CLEC4E: variants seen among roughly 807,000 people sequenced by gnomAD.
CLEC4E encodes C-type lectin domain family 4 member E.
Under a neutral mutation model 24.7 loss-of-function variants are expected in CLEC4E, and 21 were observed. The ratio of observed to expected loss-of-function variants is 0.85; its 90% CI spans 0.60 to 1.22. The LOEUF (loss-of-function observed/expected upper bound fraction) is 1.22. CLEC4E is among the 50% of genes most tolerant of loss of function. The pLI is 0.00. For synonymous variants in CLEC4E, 94 were observed against 85.7 expected (o/e 1.10, Z -0.54); for missense variants, 249 against 254.1 (o/e 0.98, Z 0.14).
chr12:8,538,405 C>T (rs189509598), intron 3 of CLEC4E, among the ~76,000 whole-genome samples: 67 of 152,358 alleles, frequency 4.4e-4, no homozygotes, highest in African/African-American at 1.5e-3. Flanking sequence ...CTCTCTGCCT[C>T]GGCTGCCAGG....
rs897344814 is a variant in CLEC4E, at chr12:8,534,520, G to A, written c.*118C>T. 5 of 647,954 alleles carry A rather than the reference G, an allele frequency of 7.7e-6. No homozygotes were observed. Among genetic ancestry groups the A allele is most frequent in the South Asian group, 2.4e-5 (1 of 42,340 alleles). The allele number at this position is 647,954 out of a possible 1,614,324, so 40.1% of individuals were successfully genotyped here. A position where few individuals can be genotyped will look rare whatever the true frequency, so the allele number is the denominator to read the frequency against. On this transcript the variant is annotated 3_prime_UTR_variant, in exon 6 of 6. Transcript: ENST00000299663. ...ACTACTTATTTTTATTTATATCAGA[G>A]TAACAAATACTTATGAAGTCCTTTG...
At chr12:8,536,278 A>C (rs1206107301) in intron 4 of CLEC4E, 73 bp from the exon 5 acceptor site, 1 of 877,160 alleles carries the variant, frequency 1.1e-6, no homozygotes, top group Non-Finnish European at 1.8e-6. Context: ...ATTATTATTC[A>C]AAGAGGTAAG....
At chr12:8,535,351 A>C (rs192044235) in intron 5 of CLEC4E, among the ~76,000 whole-genome samples, 8 of 152,362 alleles carry the variant, frequency 5.3e-5, no homozygotes, top group Admixed American at 2.0e-4. Flanking sequence ...AAGATTAATA[A>C]TACTGATACA....
intron 2 of CLEC4E, 39 bp downstream of exon 2, chr12:8,539,816 C>T: frequency 7.7e-7 from 1 of 1,290,834 alleles, no homozygotes; most frequent in Non-Finnish European, 1.1e-6. Context: ...CTAATATGCA[C>T]CAGGAAGAAT....
At chr12:8,534,830 A>C (rs2136396640) in intron 5 of CLEC4E, 21 bp from the exon 6 acceptor site, 1 of 1,597,266 alleles carries the variant, frequency 6.3e-7, no homozygotes, top group African/African-American at 1.4e-5. Flanking sequence ...ATGACATAGG[A>C]GACTTAAAAT....
chr12:8,540,631 C>T, intron 1 of CLEC4E, 130 bp downstream of exon 1: 1 of 834,016 alleles, frequency 1.2e-6, no homozygotes, highest in East Asian at 2.5e-5. Flanking sequence ...CTCTCTCTCT[C>T]TCTTCCTCTG....
Position 8,540,870 on chromosome 12 carries a change from G to T in CLEC4E, c.-73C>A. 1 of 992,594 alleles carries T rather than the reference G, an allele frequency of 1.0e-6. No homozygotes were observed. Among genetic ancestry groups the T allele is most frequent in the Non-Finnish European group, 1.6e-6 (1 of 618,454 alleles). 61.5% of individuals were successfully genotyped at this position (992,594 alleles called of 1,614,324 possible). On this transcript the variant is annotated 5_prime_UTR_variant, in exon 1 of 6. In the 5' UTR this introduces an upstream ATG that the reference lacks. Coordinates refer to ENST00000299663, the MANE Select transcript of CLEC4E (RefSeq NM_014358.4). ...CCCTCCCTCTCTTTCTTTCTCCTCA[G>T]GAGTGTTTTGTTGGTAAGATTCAGG...
At chr12:8,540,358 T>C (rs1318992078) in intron 1 of CLEC4E, among the ~76,000 whole-genome samples, 1 of 152,180 alleles carries the variant, frequency 6.6e-6, no homozygotes, top group Non-Finnish European at 1.5e-5. Context: ...TTTTCTCGTC[T>C]TTGCTTTTCT....
chr12:8,536,062 G>A, intron 5 of CLEC4E, 28 bp downstream of exon 5: 1 of 1,387,758 alleles, frequency 7.2e-7, no homozygotes, highest in Non-Finnish European at 1.0e-6. Context: ...GAGGTTTCAA[G>A]AACTCCTCTC....
chr12:8,540,293 A>G (rs1940679860), intron 1 of CLEC4E, among the ~76,000 whole-genome samples: 1 of 151,984 alleles, frequency 6.6e-6, no homozygotes, highest in Non-Finnish European at 1.5e-5. Context: ...TCTCTCAGTT[A>G]AATTTTTTTC....
rs751513201 is a variant in CLEC4E at position 8,536,208 on chromosome 12, A to G, written c.373-3T>C. 2 of 1,479,664 alleles carry G rather than the reference A, an allele frequency of 1.4e-6. No individual in the cohort carries two copies. The highest frequency in any genetic ancestry group is 1.9e-6 in the Non-Finnish European group (2 of 1,058,340). The allele number at this position is 1,479,664 out of a possible 1,614,324, so 91.7% of individuals were successfully genotyped here. On this transcript the variant is annotated splice_region_variant and splice_polypyrimidine_tract_variant and intron_variant, in intron 4 of 5. Coordinates refer to ENST00000299663, the MANE Select transcript of CLEC4E (RefSeq NM_014358.4). ...GGTTTCTTGTAGGAAAGGAATTCCT[A>G]TGGAAGATACAAAATAAAAGGAGAT...
chr12:8,538,978 C>A (rs757674150), intron 3 of CLEC4E: 3 of 446,906 alleles, frequency 6.7e-6, no homozygotes, highest in Admixed American at 4.1e-5. Context: ...GGAATAATAC[C>A]TTCCACTTCC....
intron 5 of CLEC4E, 104 bp from the exon 6 acceptor site, chr12:8,534,913 T>TG: frequency 3.0e-6 from 3 of 993,786 alleles, no homozygotes; most frequent in Non-Finnish European, 4.4e-6. Flanking sequence ...TCACAACAAT[T>TG]TTGCGAGGTA....
chr12:8,538,851 A>T (rs1390409362), intron 3 of CLEC4E: 1 of 299,378 alleles, frequency 3.3e-6, no homozygotes, highest in African/African-American at 2.1e-5. Context: ...TTGCAACAGG[A>T]TGACATAGAA....
Position 8,534,725 on chromosome 12 carries a change from A to G in CLEC4E, c.573T>C (p.Asn191=). ...TGAGGAAACAGGTTACATCATTCCAATTTTGCCTTGGGTTTGAAGAGTCTC... is the reference window on the plus strand; with the variant it reads ...TGAGGAAACAGGTTACATCATTCCAGTTTTGCCTTGGGTTTGAAGAGTCTC... The part of the protein sequence containing the change: ...TMRDSSNPRQ[N]WNDVTCFLNY... The change falls in exon 6 of 6, where the codon AAT becomes AAC. Residue 191 remains asparagine (N), a synonymous_variant. Transcript: ENST00000299663. 1.2e-6 allele frequency: 2 copies of G among 1,613,996 alleles called. No homozygotes were observed. The highest frequency in any genetic ancestry group is 1.7e-6 in the Non-Finnish European group (2 of 1,179,950).
intron 4 of CLEC4E, 60 bp from the exon 5 acceptor site, chr12:8,536,265 G>A: frequency 1.0e-6 from 1 of 973,486 alleles, no homozygotes; most frequent in Non-Finnish European, 1.6e-6. Context: ...AACGTTGCTA[G>A]TAATTATTAT....
chr12:8,537,186 A>C lies in CLEC4E; in HGVS notation c.301T>G (p.Trp101Gly). 2 of 1,614,102 alleles carry C rather than the reference A, an allele frequency of 1.2e-6. No individual in the cohort carries two copies. Among genetic ancestry groups the C allele is most frequent in the Non-Finnish European group, 1.7e-6 (2 of 1,179,936 alleles). ...CYFFSTDTISWALSLKNCSAM... is the reference protein window; with the variant it reads ...CYFFSTDTISGALSLKNCSAM... ...GAGCAGTTCTTTAAACTTAACGCCC[A>C]GGAAATGGTGTCAGTAGAAAAGAAG... is the stretch of plus-strand genomic sequence containing the variant. Residue 101 changes from tryptophan to glycine, a missense_variant, in exon 4 of 6, where the codon TGG (tryptophan) becomes GGG (glycine). Physicochemically the swap from Trp to Gly is radical, Grantham distance 184. Coordinates refer to ENST00000299663, the MANE Select transcript of CLEC4E (RefSeq NM_014358.4).
At chr12:8,540,650 CT>C (rs1555123521) in intron 1 of CLEC4E, 110 bp downstream of exon 1, 2,831 of 763,836 alleles carry the variant, frequency 3.7e-3, no homozygotes, top group Admixed American at 6.5e-3. Flanking sequence ...TGTCCCCCCA[CT>C]TTTTTTTTTA....
rs760340037 is a variant in CLEC4E, at chr12:8,537,151, C to T, written c.336G>A (p.Gly112=). The change falls in exon 4 of 6, where the codon GGG becomes GGA. Residue 112 remains glycine (G), a synonymous_variant. Coordinates refer to ENST00000299663, the MANE Select transcript of CLEC4E (RefSeq NM_014358.4). Reference sequence around the variant, plus strand: ...GTGAGTTGATAACCACCAGGTGAGCCCCCATGGCTGAGCAGTTCTTTAAAC... The same window carrying T: ...GTGAGTTGATAACCACCAGGTGAGCTCCCATGGCTGAGCAGTTCTTTAAAC... ...ALSLKNCSAM[G]AHLVVINSQE... 1.9e-6 allele frequency: 3 copies of T among 1,613,908 alleles called. No individual in the cohort carries two copies. The highest frequency in any genetic ancestry group is 4.5e-5 in the East Asian group (2 of 44,882).
Sources: allele counts gnomAD v4.1 joint callset (sites outside exome capture counted in the v4.1 genomes callset), GRCh38; gene constraint gnomAD v4.1.1; transcripts MANE v1.5; gene names NCBI Gene and HGNC (gene_info 2026-07-23, HGNC 2026-07-21).